The following STK3 variants were observed in gnomAD, a reference collection of about 807,000 sequenced individuals.
STK3 encodes the protein serine/threonine-protein kinase 3.
STK3 carries 41 observed loss-of-function variants against 58.0 expected under a neutral mutation model. The ratio of observed to expected loss-of-function variants is 0.71; its 90% CI spans 0.55 to 0.92. The LOEUF is 0.92. Ranked by LOEUF, STK3 falls within the 40% of genes least tolerant of loss-of-function variation. STK3 has a pLI of 0.00. For missense variants in STK3, 479 were observed against 602.7 expected (o/e 0.79, Z 2.15); for synonymous variants, 170 against 191.0 (o/e 0.89, Z 0.91).
chr8:98,904,141 T>C (rs1189444080), intron 1 of STK3, among the ~76,000 whole-genome samples: 1 of 152,170 alleles, frequency 6.6e-6, no homozygotes, highest in African/African-American at 2.4e-5. Context: ...CAACCCCCAA[T>C]GGTCCTAGCA....
At chr8:98,631,570 T>C (rs1458646844) in intron 6 of STK3, among the ~76,000 whole-genome samples, 1 of 152,210 alleles carries the variant, frequency 6.6e-6, no homozygotes, top group Admixed American at 6.5e-5. Context: ...ATCCTACATA[T>C]AATATCACAA....
chr8:98,613,981 C>T (rs938935922), intron 6 of STK3, among the ~76,000 whole-genome samples: 2 of 152,014 alleles, frequency 1.3e-5, no homozygotes, highest in African/African-American at 4.8e-5. Context: ...AGACATAATT[C>T]ACCAAGAAAA....
At chr8:98,768,081 C>A (rs543975653) in intron 2 of STK3, among the ~76,000 whole-genome samples, 2 of 152,260 alleles carry the variant, frequency 1.3e-5, no homozygotes, top group Non-Finnish European at 1.5e-5. Flanking sequence ...AAGGAAGAAG[C>A]CATTTGTACC....
chr8:98,436,020 C>A (rs539901389), intron 2 of STK3, among the ~76,000 whole-genome samples: 45 of 152,162 alleles, frequency 3.0e-4, no homozygotes, highest in Non-Finnish European at 7.4e-5. Flanking sequence ...TCCCACCACC[C>A]TTTTGGAACT....
intron 6 of STK3, among the ~76,000 whole-genome samples, chr8:98,658,655 C>T (rs1486586744): frequency 1.3e-5 from 2 of 151,942 alleles, no homozygotes; most frequent in African/African-American, 4.8e-5. Flanking sequence ...TCAATCACCC[C>T]CTATTGAACT....
At chr8:98,750,693 T>C (rs912307499) in intron 3 of STK3, among the ~76,000 whole-genome samples, 1 of 151,594 alleles carries the variant, frequency 6.6e-6, no homozygotes, top group Non-Finnish European at 1.5e-5. Context: ...GCTGGTACCA[T>C]CCCTGCTGAA....
Position 98,447,619 on chromosome 8 carries a change from G to T in STK3, n.186-10411C>A, listed in dbSNP as rs1819010810. ...TCTATATATTGCAATACTATATATA[G>T]TATCTATATATTGCAATACTATATA... On this transcript the variant is annotated intron_variant and non_coding_transcript_variant, in intron 1 of 3. Coordinates refer to the STK3 transcript ENST00000517832. 2.1e-5 allele frequency among the ~76,000 whole-genome samples: 3 copies of T among 143,256 alleles called. 1 individual carries two copies. Among genetic ancestry groups the T allele is most frequent in the Non-Finnish European group, 4.5e-5 (3 of 66,000 alleles). 94.0% of individuals were successfully genotyped at this position (143,256 alleles called of 152,430 possible).
chr8:98,938,164 A>C (rs1162444371), intron 1 of STK3, among the ~76,000 whole-genome samples: 1 of 151,900 alleles, frequency 6.6e-6, no homozygotes, highest in Non-Finnish European at 1.5e-5. Context: ...AAAAAAAAAA[A>C]CTAAAAAAAC....
chr8:98,598,075 A>G, intron 6 of STK3: 1 of 985,426 alleles, frequency 1.0e-6, no homozygotes, highest in Non-Finnish European at 1.2e-6. Context: ...CAAAGGACTT[A>G]CATAAGCCCC....
intron 1 of STK3, among the ~76,000 whole-genome samples, chr8:98,787,444 A>G (rs190878064): frequency 6.6e-6 from 1 of 152,172 alleles, no homozygotes; most frequent in East Asian, 1.9e-4. Flanking sequence ...ATGTTAAACG[A>G]CCAAACCTAA....
chr8:98,681,969 T>G (rs904836360), intron 6 of STK3, among the ~76,000 whole-genome samples: 4 of 152,204 alleles, frequency 2.6e-5, no homozygotes, highest in Non-Finnish European at 5.9e-5. Flanking sequence ...TACAGCAAAA[T>G]AGTGCACATG....
At chr8:98,905,669 A>G in intron 1 of STK3, 1 of 746,926 alleles carries the variant, frequency 1.3e-6, no homozygotes, top group Non-Finnish European at 2.5e-6. Context: ...CAGCTTCATC[A>G]TCCGGACAAG....
intron 1 of STK3, among the ~76,000 whole-genome samples, chr8:98,779,153 C>A (rs562551889): frequency 6.6e-6 from 1 of 151,882 alleles, no homozygotes; most frequent in Admixed American, 6.5e-5. Context: ...AAAAAAAAAA[C>A]CACACAGTGT....
In STK3 at chr8:98,599,495, G is replaced by A. The variant is rs151121544; in HGVS notation, c.685-3326C>T. Among the ~76,000 whole-genome samples the A allele has an allele frequency of 4.3e-4, 65 of 151,834 alleles. 1 individual carries two copies. Among genetic ancestry groups the A allele is most frequent in the Middle Eastern group, 3.4e-3 (1 of 294 alleles). On this transcript the variant is annotated intron_variant, in intron 6 of 10. Coordinates refer to ENST00000419617, the MANE Select transcript of STK3 (RefSeq NM_006281.4). ...TTGAACTGGATGTTTATCAGGTCCC[G>A]TACTGGGTATAAAAAGACCCTGGCA...
chr8:98,417,086 G>A (rs1168430065), intron 3 of STK3, among the ~76,000 whole-genome samples: 1 of 152,192 alleles, frequency 6.6e-6, no homozygotes, highest in Non-Finnish European at 1.5e-5. Context: ...TCTCACATGT[G>A]GGCTCAGAGC....
chr8:98,936,266 G>A (rs1268632652), intron 1 of STK3, among the ~76,000 whole-genome samples: 1 of 152,046 alleles, frequency 6.6e-6, no homozygotes, highest in African/African-American at 2.4e-5. Context: ...TGCAGATTCA[G>A]ACACAGAGGG....
chr8:98,471,357 CTTTT>C (rs554417267), intron 10 of STK3, among the ~76,000 whole-genome samples: 1 of 129,632 alleles, frequency 7.7e-6, no homozygotes. Context: ...TTTTCCTTTT[CTTTT>C]TTTTTTTTTT....
At chr8:98,788,369 C>T (rs1279529756) in intron 1 of STK3, among the ~76,000 whole-genome samples, 1 of 151,774 alleles carries the variant, frequency 6.6e-6, no homozygotes, top group African/African-American at 2.4e-5. Flanking sequence ...ACCCAGGAGG[C>T]GGAAGTTGCA....
At chr8:98,814,740 G>A (rs1018062090) in intron 1 of STK3, among the ~76,000 whole-genome samples, 5 of 151,924 alleles carry the variant, frequency 3.3e-5, no homozygotes, top group Admixed American at 1.3e-4. Flanking sequence ...GCTGGGGTGC[G>A]GTGGCATGAT....
Sources: gnomAD v4.1 joint callset for allele counts (sites outside exome capture counted in the v4.1 genomes callset) on GRCh38, gnomAD v4.1.1 for gene constraint, MANE v1.5 for transcripts, NCBI Gene and HGNC (gene_info 2026-07-23, HGNC 2026-07-21) for gene names.